The following ZNF549 variants were observed in gnomAD, a reference collection of about 807,000 sequenced individuals.
ZNF549 encodes the protein zinc finger protein 549.
A neutral mutation model predicts 11.1 loss-of-function variants in ZNF549; 11 were observed. The ratio of observed to expected loss-of-function variants is 0.99; its 90% CI spans 0.62 to 1.64. ZNF549 has a LOEUF of 1.64. ZNF549 is among the 40% of genes most tolerant of loss of function. The probability of loss-of-function intolerance (pLI) is 0.00; values close to 1 mark genes in which losing one functional copy is unlikely to be tolerated. For synonymous variants in ZNF549, 266 were observed against 269.1 expected (o/e 0.99, Z 0.11); for missense variants, 748 against 765.1 (o/e 0.98, Z 0.26).
Position 57,537,702 on chromosome 19 carries a change from A to T in ZNF549, c.698A>T (p.His233Leu), listed in dbSNP as rs746624468. The T allele has an allele frequency of 1.6e-5, 26 of 1,614,178 alleles. 1 individual carries two copies. In the South Asian group the frequency reaches 2.9e-4, roughly 18 times the overall value. The change falls in exon 4 of 4, where the codon CAT (histidine) becomes CTT (leucine). Residue 233 changes from histidine (H) to leucine (L), a missense_variant. Physicochemically the swap from His to Leu is moderately conservative, Grantham distance 99. Transcript: ENST00000376233. The stretch of plus-strand genomic sequence containing the variant: ...GAGCAAGTTTTCAATGAGAAAGTTC[A>T]TGTTACTGAGCATCAGAGAGTCCAC... ...KCEQVFNEKV[H>L]VTEHQRVHTG...
intron 3 of ZNF549, 178 bp downstream of exon 3, chr19:57,535,448 C>A: frequency 1.2e-6 from 1 of 820,656 alleles, no homozygotes; most frequent in Non-Finnish European, 1.9e-6. Context: ...GCCCCAACAT[C>A]TACTGTCCTG....
intron 3 of ZNF549, among the ~76,000 whole-genome samples, chr19:57,535,905 C>T (rs1481686703): frequency 6.6e-6 from 1 of 152,200 alleles, no homozygotes; most frequent in South Asian, 2.1e-4. Context: ...GGGGGGTTAA[C>T]AGGGTTTGGG....
At chr19:57,536,544 A>T (rs746708422) in intron 3 of ZNF549, among the ~76,000 whole-genome samples, 5 of 152,372 alleles carry the variant, frequency 3.3e-5, no homozygotes, top group East Asian at 1.9e-4. Context: ...AACATCAGCT[A>T]TCCAGTTGTA....
At position 57,538,916 on chromosome 19, in the gene ZNF549, G is replaced by T; in HGVS notation, c.1912G>T (p.Glu638Ter). The T allele has an allele frequency of 6.2e-7, 1 of 1,600,402 alleles. No individual in the cohort carries two copies. The highest frequency in any genetic ancestry group is 8.5e-7 in the Non-Finnish European group (1 of 1,178,056). ...CAGGCACCAGAAGGTACATATAACAGAAGAGCCCTAGCAATTGTTGGGATG... is the reference window on the plus strand; with the variant it reads ...CAGGCACCAGAAGGTACATATAACATAAGAGCCCTAGCAATTGTTGGGATG... ...LVRHQKVHIT[E>*]EP is the part of the protein sequence containing the mutation. The change falls in exon 4 of 4, where the codon GAA becomes TAA. Residue 638 changes from glutamate (E) to a stop codon, truncating the protein, a stop_gained. Coordinates refer to ENST00000376233, the MANE Select transcript of ZNF549 (RefSeq NM_001199295.2). LOFTEE classifies it high-confidence loss of function.
chr19:57,529,627 C>T (rs2089894967), intron 1 of ZNF549, among the ~76,000 whole-genome samples: 1 of 152,202 alleles, frequency 6.6e-6, no homozygotes, highest in Non-Finnish European at 1.5e-5. Flanking sequence ...TGGCTCACAC[C>T]TGTAATCCCA....
chr19:57,527,566 A>G lies in ZNF549; in HGVS notation c.-8A>G, dbSNP rs1189493027. The G allele has an allele frequency of 3.1e-6, 5 of 1,613,470 alleles. No homozygotes were observed. The highest frequency in any genetic ancestry group is 1.7e-4 in the Middle Eastern group (1 of 6,012). Reference sequence around the variant, plus strand: ...CGCCTTTCCAGGCCCCGCCCCGCCTAAAGTCCCATGGCCGAGGCAGCGCTA... The same window carrying G: ...CGCCTTTCCAGGCCCCGCCCCGCCTGAAGTCCCATGGCCGAGGCAGCGCTA... On this transcript the variant is annotated 5_prime_UTR_variant, in exon 1 of 4. Transcript: ENST00000376233.
At chr19:57,535,097 C>T in intron 2 of ZNF549, 47 bp from the exon 3 acceptor site, 2 of 1,601,272 alleles carry the variant, frequency 1.2e-6, no homozygotes, top group Admixed American at 3.4e-5. Context: ...TACTGGGGTT[C>T]CTGGGGATTG....
chr19:57,530,031 AGTT>A (rs578155743), intron 1 of ZNF549, among the ~76,000 whole-genome samples: 3 of 152,198 alleles, frequency 2.0e-5, no homozygotes, highest in Non-Finnish European at 4.4e-5. Flanking sequence ...TTCACACTGA[AGTT>A]GAGTGTGGGT....
At chr19:57,537,089 A>T in intron 3 of ZNF549, 115 bp from the exon 4 acceptor site, 1 of 1,241,272 alleles carries the variant, frequency 8.1e-7, no homozygotes, top group African/African-American at 1.5e-5. Context: ...GCAAGACCCT[A>T]TCTCAAAGAA....
In ZNF549 at chr19:57,540,068, T is replaced by C. The variant is rs539848259; in HGVS notation, c.*1141T>C. The C allele has an allele frequency of 7.2e-5, 11 of 152,316 alleles. No homozygotes were observed. In the East Asian group the frequency reaches 2.1e-3, roughly 29 times the overall value. 9.4% of individuals were successfully genotyped at this position (152,316 alleles called of 1,614,324 possible). ...TGGACTCATAACTTATGTACTGTTT[T>C]TGAGATGATTGCTGCACGGGCAGGA... On this transcript the variant is annotated 3_prime_UTR_variant, in exon 4 of 4. Coordinates refer to ENST00000376233, the MANE Select transcript of ZNF549 (RefSeq NM_001199295.2).
rs760563892 is a variant in ZNF549, at chr19:57,535,359, A to G, written c.199+89A>G. 4 of 1,498,012 alleles carry G rather than the reference A, an allele frequency of 2.7e-6. No individual in the cohort carries two copies. In the South Asian group the frequency reaches 4.1e-5, roughly 15 times the overall value. The allele number at this position is 1,498,012 out of a possible 1,614,324, so 92.8% of individuals were successfully genotyped here. A position where few individuals can be genotyped will look rare whatever the true frequency, so the allele number is the denominator to read the frequency against. ...AGTTTCCTGTCTTTCCCAGAGTTGG[A>G]CATGGGCCCTTCTTCTTTCCTTGGT... is the stretch of plus-strand genomic sequence containing the variant. On this transcript the variant is annotated intron_variant, in intron 3 of 3. Coordinates refer to ENST00000376233, the MANE Select transcript of ZNF549 (RefSeq NM_001199295.2).
intron 1 of ZNF549, among the ~76,000 whole-genome samples, chr19:57,529,791 C>G (rs1371548126): frequency 6.6e-6 from 1 of 152,068 alleles, no homozygotes; most frequent in Non-Finnish European, 1.5e-5. Context: ...GAGGCTGAGG[C>G]AGGAGAATGG....
At position 57,538,153 on chromosome 19, in the gene ZNF549, C is replaced by A; in HGVS notation, c.1149C>A (p.His383Gln). The change falls in exon 4 of 4, where the codon CAC (histidine) becomes CAA (glutamine). Residue 383 changes from histidine to glutamine, a missense_variant. Transcript: ENST00000376233. ...ACCGCATTCGACACCAGAGAGTTCA[C>A]ACTGGAGAAGGGGCTTATCAGTGCA... The part of the protein sequence containing the change: ...SYDRIRHQRV[H>Q]TGEGAYQCSE... 6.2e-7 allele frequency: 1 copy of A among 1,614,198 alleles called. No individual in the cohort carries two copies. The highest frequency in any genetic ancestry group is 8.5e-7 in the Non-Finnish European group (1 of 1,180,036).
At position 57,535,157 on chromosome 19, in the gene ZNF549, T is replaced by G. The variant is rs779294547; in HGVS notation, c.86T>G (p.Phe29Cys). The G allele has an allele frequency of 6.2e-7, 1 of 1,614,034 alleles. No homozygotes were observed. Residue 29 changes from phenylalanine (F) to cysteine (C), a missense_variant, in exon 3 of 4, where the codon TTT becomes TGT. Transcript: ENST00000376233. The stretch of plus-strand genomic sequence containing the variant: ...CCCATCATGCAGGGCCATGTGACCT[T>G]TGAGGATATTGCTGTGTACTTCTCC... Reference protein sequence around the residue: ...FVKPSQGHVTFEDIAVYFSQE... With the variant: ...FVKPSQGHVTCEDIAVYFSQE...
intron 2 of ZNF549, among the ~76,000 whole-genome samples, chr19:57,534,203 AAGAC>A (rs1207439009): frequency 6.6e-6 from 1 of 152,198 alleles, no homozygotes; most frequent in Non-Finnish European, 1.5e-5. Flanking sequence ...AACCATCACT[AAGAC>A]AGATAAAGAA....
At chr19:57,531,239 G>GGA in intron 2 of ZNF549, 131 bp downstream of exon 2, 2 of 852,728 alleles carry the variant, frequency 2.3e-6, no homozygotes, top group Non-Finnish European at 3.7e-6. Flanking sequence ...GCCACCTCAG[G>GGA]CCCAGGATGA....
rs2123314418 is a variant in ZNF549, at chr19:57,535,465, TTTAG to T, written c.199+199_199+202del. 7.3e-6 allele frequency: 5 copies of T among 684,018 alleles called. No individual in the cohort carries two copies. The South Asian group carries it at 1.6e-4, about 22-fold the overall frequency. 42.4% of individuals were successfully genotyped at this position (684,018 alleles called of 1,614,324 possible). A position where few individuals can be genotyped will look rare whatever the true frequency, so the allele number is the denominator to read the frequency against. ...CCCAACATCTACTGTCCTGAAGCCT[TTTAG>T]TTAAGAGTTTGGGTTCAGACTCTTG... On this transcript the variant is annotated intron_variant, in intron 3 of 3. Transcript: ENST00000376233.
intron 3 of ZNF549, 102 bp downstream of exon 3, chr19:57,535,372 T>C: frequency 6.8e-7 from 1 of 1,475,572 alleles, no homozygotes; most frequent in Non-Finnish European, 9.1e-7. Flanking sequence ...TGGGCCCTTC[T>C]TCTTTCCTTG....
At chr19:57,535,074 G>A in intron 2 of ZNF549, 70 bp from the exon 3 acceptor site, 2 of 1,580,702 alleles carry the variant, frequency 1.3e-6, no homozygotes, top group Admixed American at 1.7e-5. Flanking sequence ...GAGAACTAGG[G>A]AGGAGCGAGA....
Sources: gnomAD v4.1 joint callset for allele counts (sites outside exome capture counted in the v4.1 genomes callset) on GRCh38, gnomAD v4.1.1 for gene constraint, MANE v1.5 for transcripts, NCBI Gene and HGNC (gene_info 2026-07-23, HGNC 2026-07-21) for gene names.